MMS19: variants seen among roughly 807,000 people sequenced by gnomAD.
MMS19 encodes the protein MMS19 cytosolic iron-sulfur assembly component.
In MMS19, 77 loss-of-function variants were observed where a neutral mutation model predicts 129.8. The ratio of observed to expected loss-of-function variants is 0.59; its 90% CI spans 0.49 to 0.72. MMS19 has a LOEUF of 0.72. Ranked by LOEUF, MMS19 falls within the 30% of genes least tolerant of loss-of-function variation. The pLI is 0.00. For missense variants in MMS19, 1,168 were observed against 1,266.3 expected (o/e 0.92, Z 1.18); for synonymous variants, 491 against 502.8 (o/e 0.98, Z 0.31).
chr10:97,467,646 C>T, intron 13 of MMS19, 63 bp from the exon 14 acceptor site: 3 of 1,483,028 alleles, frequency 2.0e-6, no homozygotes, highest in East Asian at 2.3e-5. Context: ...TCCTGCTACT[C>T]TGGATATAGG....
At chr10:97,466,658 A>G in intron 15 of MMS19, 73 bp from the exon 16 acceptor site, 1 of 1,585,262 alleles carries the variant, frequency 6.3e-7, no homozygotes, top group South Asian at 1.1e-5. Flanking sequence ...AGCTCTTATT[A>G]GAAATCCCAA....
In MMS19 at chr10:97,498,267, C is replaced by T; in HGVS notation, c.112+6G>A. The T allele has an allele frequency of 6.4e-7, 1 of 1,553,562 alleles. No individual in the cohort carries two copies. Among genetic ancestry groups the T allele is most frequent in the Admixed American group, 1.9e-5 (1 of 52,806 alleles). ...TGCGGAAGGCGCGCGGCGCCGTCTG[C>T]CGTACCTGCAGCCACCTGGTCAGCG... On this transcript the variant is annotated splice_donor_region_variant and intron_variant, in intron 1 of 30. Coordinates refer to ENST00000438925, the MANE Select transcript of MMS19 (RefSeq NM_022362.5).
chr10:97,462,494 G>A, intron 20 of MMS19, 89 bp downstream of exon 20: 1 of 902,068 alleles, frequency 1.1e-6, no homozygotes, highest in Non-Finnish European at 1.8e-6. Context: ...ATAGGTAAAA[G>A]GACAGCTGAC....
chr10:97,463,987 C>A lies in MMS19; in HGVS notation c.1783G>T (p.Val595Phe), dbSNP rs866007879. 11 of 1,613,230 alleles carry A rather than the reference C, an allele frequency of 6.8e-6. No homozygotes were observed. Among genetic ancestry groups the A allele is most frequent in the African/African-American group, 2.7e-5 (2 of 75,072 alleles). The change falls in exon 19 of 31, where the codon GTT becomes TTT. Residue 595 changes from valine (V) to phenylalanine (F), a missense_variant. By Grantham distance (50) the Val-to-Phe change is conservative. Transcript: ENST00000438925. Reference protein sequence around the residue: ...RGNMVAQSSDVIAVCQSLRQM... With the variant: ...RGNMVAQSSDFIAVCQSLRQM... ...CTGAGGCTCTGACAGACAGCAATAA[C>A]GTCACTGGATTGTGCAACCATATTC...
upstream of MMS19, chr10:97,498,686 C>T: frequency 7.0e-6 from 3 of 427,040 alleles, no homozygotes; most frequent in South Asian, 8.4e-5. Flanking sequence ...GGGAGAGGGG[C>T]GGTACGCACC....
intron 27 of MMS19, 66 bp from the exon 28 acceptor site, chr10:97,459,592 C>G (rs1044523180): frequency 2.5e-6 from 4 of 1,599,972 alleles, no homozygotes; most frequent in Non-Finnish European, 2.6e-6. Context: ...GTTCCCTCCC[C>G]TTTCTAGCCC....
intron 1 of MMS19, among the ~76,000 whole-genome samples, chr10:97,496,794 T>C (rs1248782263): frequency 6.6e-6 from 1 of 152,178 alleles, no homozygotes; most frequent in Non-Finnish European, 1.5e-5. Flanking sequence ...TACATCAAAA[T>C]AAACCGTCAA....
At chr10:97,487,647 A>G (rs1265455881) in intron 1 of MMS19, among the ~76,000 whole-genome samples, 1 of 152,152 alleles carries the variant, frequency 6.6e-6, no homozygotes, top group Non-Finnish European at 1.5e-5. Flanking sequence ...TAAGAACAAG[A>G]TAACATTCAG....
chr10:97,464,343 G>A (rs1204458744), intron 18 of MMS19, among the ~76,000 whole-genome samples: 2 of 152,142 alleles, frequency 1.3e-5, no homozygotes, highest in African/African-American at 4.8e-5. Flanking sequence ...GCTTTTCCAG[G>A]GTCACAGGAA....
intron 22 of MMS19, 86 bp from the exon 23 acceptor site, chr10:97,461,708 G>T: frequency 6.5e-7 from 1 of 1,549,334 alleles, no homozygotes; most frequent in Non-Finnish European, 8.8e-7. Flanking sequence ...GGACCGGGAC[G>T]GATGAGAACT....
rs36023427 is a variant in MMS19 at position 97,458,699 on chromosome 10, C to T, written c.3086G>A (p.Gly1029Asp). 9,108 of 1,608,826 alleles carry T rather than the reference C, an allele frequency of 5.7e-3. 45 individuals carry two copies. Among genetic ancestry groups the T allele is most frequent in the Middle Eastern group, 0.015 (89 of 6,058 alleles). Residue 1029 changes from glycine to aspartate, a missense_variant, in exon 31 of 31, where the codon GGC (glycine) becomes GAC (aspartate). Coordinates refer to ENST00000438925, the MANE Select transcript of MMS19 (RefSeq NM_022362.5). ...RGEWFLLGSP[G>D]S ...TAGGCCAGGACTGAGGGCTCAGCTG[C>T]CAGGGCTCCCCAACAGAAACCTGTA...
chr10:97,476,574 G>C (rs373614466), intron 8 of MMS19, 109 bp downstream of exon 8: 2 of 844,714 alleles, frequency 2.4e-6, no homozygotes. Context: ...AAAATAATGA[G>C]GGCGGGGATG....
intron 26 of MMS19, 113 bp from the exon 27 acceptor site, chr10:97,459,854 C>T: frequency 9.9e-7 from 1 of 1,008,168 alleles, no homozygotes; most frequent in Non-Finnish European, 1.5e-6. Flanking sequence ...GGTGAAAGAG[C>T]CCTTCACGCT....
rs2037942782 is a variant in MMS19 at position 97,486,862 on chromosome 10, C to CATATAAATATATATATATAT, written c.113-2712_113-2711insATATATATATATATTTATAT. On this transcript the variant is annotated intron_variant, in intron 1 of 30. Transcript: ENST00000438925. ...TAAGCTTATCCTGAAATTAAAGTGCCATATATATATATATATATATATATA... is the reference window on the plus strand; with the variant it reads ...TAAGCTTATCCTGAAATTAAAGTGCCATATAAATATATATATATATATATATATATATATATATATATATA... 3.5e-5 allele frequency among the ~76,000 whole-genome samples: 3 copies of CATATAAATATATATATATAT among 85,080 alleles called. No homozygotes were observed. The East Asian group carries it at 7.6e-4, about 21-fold the overall frequency. 55.8% of individuals were successfully genotyped at this position (85,080 alleles called of 152,430 possible).
At chr10:97,461,708 G>A (rs956986617) in intron 22 of MMS19, 86 bp from the exon 23 acceptor site, 76 of 1,549,216 alleles carry the variant, frequency 4.9e-5, no homozygotes, top group Non-Finnish European at 6.3e-5. Flanking sequence ...GGACCGGGAC[G>A]GATGAGAACT....
chr10:97,479,633 C>T (rs2036394347), intron 3 of MMS19, among the ~76,000 whole-genome samples: 1 of 152,104 alleles, frequency 6.6e-6, no homozygotes, highest in South Asian at 2.1e-4. Context: ...CATTTTTTCC[C>T]AATCAGTCAC....
chr10:97,490,660 A>G (rs911898554), intron 1 of MMS19, among the ~76,000 whole-genome samples: 7 of 152,140 alleles, frequency 4.6e-5, no homozygotes, highest in African/African-American at 1.7e-4. Flanking sequence ...GAAATCCTAA[A>G]CTTCCAGTTC....
At position 97,468,514 on chromosome 10, in the gene MMS19, T is replaced by G. The variant is rs567668880; in HGVS notation, c.1064-108A>C. 11 of 1,090,154 alleles carry G rather than the reference T, an allele frequency of 1.0e-5. No individual in the cohort carries two copies. In the South Asian group the frequency reaches 1.1e-4, roughly 11 times the overall value. 67.5% of individuals were successfully genotyped at this position (1,090,154 alleles called of 1,614,324 possible). On this transcript the variant is annotated intron_variant, in intron 12 of 30. Coordinates refer to ENST00000438925, the MANE Select transcript of MMS19 (RefSeq NM_022362.5). ...AGACCCATGACAGTTTGCAAGCAGT[T>G]AACACTCAAATTGTTTTCAATTCAA...
chr10:97,461,952 C>T, intron 21 of MMS19, 56 bp from the exon 22 acceptor site: 1 of 1,568,304 alleles, frequency 6.4e-7, no homozygotes, highest in African/African-American at 1.4e-5. Context: ...GTCTGCCCCT[C>T]TACCCATTCC....
Sources: allele counts gnomAD v4.1 joint callset (sites outside exome capture counted in the v4.1 genomes callset), GRCh38; gene constraint gnomAD v4.1.1; transcripts MANE v1.5; gene names NCBI Gene and HGNC (gene_info 2026-07-23, HGNC 2026-07-21).